Variants in POU6F2 observed in about 807,000 individuals in gnomAD.
The protein encoded by POU6F2 is POU domain, class 6, transcription factor 2.
A neutral mutation model predicts 71.3 loss-of-function variants in POU6F2; 31 were observed. The observed-to-expected ratio is 0.43, with a 90% CI of 0.33 to 0.59. POU6F2 has a LOEUF of 0.59. POU6F2 is among the 20% of genes least tolerant of loss of function. The pLI, the probability that POU6F2 is intolerant of heterozygous loss-of-function variation, is 0.04. For synonymous variants in POU6F2, 347 were observed against 355.7 expected (o/e 0.98, Z 0.27); for missense variants, 783 against 856.8 (o/e 0.91, Z 1.07).
rs76266575 is a variant in POU6F2, at chr7:39,448,517, G to A, written c.1321-3016G>A. ...CTTTCTTAGATTCTTAGACATCTTA[G>A]ATTCCTTTTGACTCTCCTTTTGACT... On this transcript the variant is annotated intron_variant, in intron 7 of 9. Transcript: ENST00000518318. Among the ~76,000 whole-genome samples the A allele has an allele frequency of 4.6e-3, 708 of 152,258 alleles. 8 individuals carry two copies. Among genetic ancestry groups the A allele is most frequent in the African/African-American group, 0.015 (612 of 41,554 alleles).
At chr7:39,297,196 TAC>T (rs61192418) in intron 4 of POU6F2, among the ~76,000 whole-genome samples, 3,143 of 138,954 alleles carry the variant, frequency 0.023, 49 homozygotes, top group South Asian at 0.062. Flanking sequence ...CACATACACA[TAC>T]ACACACACAC....
At chr7:39,231,740 G>C in intron 4 of POU6F2, among the ~76,000 whole-genome samples, 1 of 152,122 alleles carries the variant, frequency 6.6e-6, no homozygotes, top group Non-Finnish European at 1.5e-5. Flanking sequence ...GGCGGACTCA[G>C]GGGTCCTAGG....
chr7:39,017,141 A>G (rs1384107148), intron 1 of POU6F2, among the ~76,000 whole-genome samples: 4 of 152,120 alleles, frequency 2.6e-5, no homozygotes, highest in African/African-American at 7.2e-5. Flanking sequence ...TCCCTATCCC[A>G]TGGCCTAGCT....
intron 7 of POU6F2, among the ~76,000 whole-genome samples, chr7:39,436,974 G>A (rs540067174): frequency 3.3e-5 from 5 of 152,310 alleles, no homozygotes; most frequent in South Asian, 4.2e-4. Flanking sequence ...GGATGAAGCC[G>A]ACTTGATCGT....
intron 4 of POU6F2, among the ~76,000 whole-genome samples, chr7:39,208,037 A>G (rs999541022): frequency 6.6e-6 from 1 of 152,364 alleles, no homozygotes. Flanking sequence ...CATCTCAAAT[A>G]CAAGATATTA....
chr7:39,364,768 T>G (rs1429399006), intron 5 of POU6F2, among the ~76,000 whole-genome samples: 2 of 152,204 alleles, frequency 1.3e-5, no homozygotes, highest in African/African-American at 4.8e-5. Context: ...CTTCTTTTCC[T>G]CTGGGTAGAT....
At chr7:39,205,531 A>G (rs1456920457) in intron 3 of POU6F2, among the ~76,000 whole-genome samples, 1 of 152,082 alleles carries the variant, frequency 6.6e-6, no homozygotes, top group African/African-American at 2.4e-5. Context: ...TGACCCATAT[A>G]TGGTCTGAGA....
At chr7:39,033,649 T>C (rs1789994291) in intron 1 of POU6F2, among the ~76,000 whole-genome samples, 1 of 152,164 alleles carries the variant, frequency 6.6e-6, no homozygotes, top group Non-Finnish European at 1.5e-5. Context: ...TTTCACACCT[T>C]TCATGAGAAT....
chr7:39,339,576 C>T, intron 4 of POU6F2, 66 bp from the exon 5 acceptor site: 1 of 1,509,994 alleles, frequency 6.6e-7, no homozygotes, highest in Non-Finnish European at 8.8e-7. Flanking sequence ...ACTGGACAGG[C>T]TGTCAAGACC....
At chr7:39,051,981 T>C (rs892257983) in intron 1 of POU6F2, among the ~76,000 whole-genome samples, 8 of 152,138 alleles carry the variant, frequency 5.3e-5, no homozygotes, top group African/African-American at 2.4e-5. Flanking sequence ...CACGTACTCA[T>C]GAACACTGAA....
In POU6F2 at chr7:39,086,038, C is replaced by T. The variant is rs1250060229; in HGVS notation, c.277+7C>T. 6.2e-7 allele frequency: 1 copy of T among 1,612,978 alleles called. No individual in the cohort carries two copies. Among genetic ancestry groups the T allele is most frequent in the Non-Finnish European group, 8.5e-7 (1 of 1,179,472 alleles). On this transcript the variant is annotated splice_region_variant and intron_variant, in intron 2 of 9. Transcript: ENST00000518318. ...ACTCCCAGCAAGCTCTTCGGTAAGT[C>T]TGTCTAGGTATTTCATTTCAGTACT...
chr7:39,221,716 G>C (rs1025675721), intron 4 of POU6F2, among the ~76,000 whole-genome samples: 16 of 152,000 alleles, frequency 1.1e-4, no homozygotes, highest in African/African-American at 3.9e-4. Context: ...TTAAAAATTA[G>C]TACGCTTTTT....
At chr7:39,267,177 G>T (rs1332981585) in intron 4 of POU6F2, among the ~76,000 whole-genome samples, 1 of 152,110 alleles carries the variant, frequency 6.6e-6, no homozygotes, top group Non-Finnish European at 1.5e-5. Context: ...AAAAATAAGG[G>T]GTGAATAGAA....
At chr7:39,278,328 A>G (rs1248425293) in intron 4 of POU6F2, among the ~76,000 whole-genome samples, 1 of 152,094 alleles carries the variant, frequency 6.6e-6, no homozygotes, top group African/African-American at 2.4e-5. Flanking sequence ...AACCAATGGC[A>G]TTGAGCCTGT....
intron 1 of POU6F2, among the ~76,000 whole-genome samples, chr7:38,996,288 G>A (rs1003324725): frequency 1.3e-4 from 19 of 151,742 alleles, no homozygotes; most frequent in South Asian, 4.2e-4. Flanking sequence ...TGATCTGCCC[G>A]CCTCGGCCTC....
At chr7:39,036,680 C>A (rs1360672605) in intron 1 of POU6F2, among the ~76,000 whole-genome samples, 1 of 150,336 alleles carries the variant, frequency 6.7e-6, no homozygotes, top group African/African-American at 2.4e-5. Context: ...AAAAAAAAAT[C>A]TTATGTCTTA....
intron 4 of POU6F2, among the ~76,000 whole-genome samples, chr7:39,248,849 C>G (rs1395590246): frequency 6.6e-6 from 1 of 152,148 alleles, no homozygotes; most frequent in African/African-American, 2.4e-5. Flanking sequence ...CCCACTGAGC[C>G]GACTTTGCCC....
chr7:39,053,476 C>T (rs1208434591), intron 1 of POU6F2, among the ~76,000 whole-genome samples: 4 of 151,978 alleles, frequency 2.6e-5, no homozygotes, highest in South Asian at 2.1e-4. Flanking sequence ...AATATGTATA[C>T]ACATTTGCCA....
At chr7:39,267,459 A>T (rs1159647352) in intron 4 of POU6F2, among the ~76,000 whole-genome samples, 1 of 152,186 alleles carries the variant, frequency 6.6e-6, no homozygotes, top group Non-Finnish European at 1.5e-5. Context: ...GGAGCCCCGC[A>T]TCTGTTGCCT....
Sources: gnomAD v4.1 joint callset for allele counts (sites outside exome capture counted in the v4.1 genomes callset) on GRCh38, gnomAD v4.1.1 for gene constraint, MANE v1.5 for transcripts, NCBI Gene and HGNC (gene_info 2026-07-23, HGNC 2026-07-21) for gene names.